The following MPDZ variants were observed in gnomAD, a reference collection of about 807,000 sequenced individuals.
MPDZ encodes the protein multiple PDZ domain crumbs cell polarity complex component.
MPDZ carries 234 observed loss-of-function variants against 239.1 expected under a neutral mutation model. The ratio of observed to expected loss-of-function variants is 0.98; its 90% CI spans 0.88 to 1.09. MPDZ has a LOEUF of 1.09. MPDZ is among the 50% of genes least tolerant of loss of function. The probability of loss-of-function intolerance (pLI) is 0.00; values close to 1 mark genes in which losing one functional copy is unlikely to be tolerated. For missense variants in MPDZ, 3,175 were observed against 2,510.0 expected, an observed-to-expected ratio of 1.26 and a Z score of -5.66; for synonymous variants, 1,048 against 881.3, an observed-to-expected ratio of 1.19 and a Z score of -3.35.
chr9:13,166,286 G>C (rs1174587026), intron 22 of MPDZ, among the ~76,000 whole-genome samples: 2 of 152,118 alleles, frequency 1.3e-5, no homozygotes, highest in Non-Finnish European at 2.9e-5. Flanking sequence ...TAAACCTTTT[G>C]CTTCACGAAA....
chr9:13,265,517 C>T (rs936618131), intron 1 of MPDZ, among the ~76,000 whole-genome samples: 3 of 152,082 alleles, frequency 2.0e-5, no homozygotes, highest in South Asian at 2.1e-4. Flanking sequence ...TGCGGTAAGC[C>T]GAGATTGCAC....
At chr9:13,122,264 A>C in intron 36 of MPDZ, 94 bp from the exon 37 acceptor site, 1 of 1,093,356 alleles carries the variant, frequency 9.1e-7, no homozygotes, top group Non-Finnish European at 1.4e-6. Flanking sequence ...TTTGATAGAC[A>C]GCAATAAGGG....
In MPDZ at chr9:13,123,277, G is replaced by A. The variant is rs1329695195; in HGVS notation, c.4829C>T (p.Pro1610Leu). ...TGCAGGATCAGAAGCAAAAATTGCT[G>A]GTGTTGATGATCTGCTTGTATCTAA... ...SIRNTSRSST[P>L]AIFASDPATC... is the part of the protein sequence containing the mutation. The change falls in exon 36 of 47, where the codon CCA (proline) becomes CTA (leucine). Residue 1610 changes from proline to leucine, a missense_variant. Transcript: ENST00000319217. 4.3e-6 allele frequency: 7 copies of A among 1,611,454 alleles called. No individual in the cohort carries two copies. The highest frequency in any genetic ancestry group is 2.7e-5 in the African/African-American group (2 of 74,822).
At chr9:13,207,739 T>C (rs545700864) in intron 10 of MPDZ, among the ~76,000 whole-genome samples, 1 of 152,318 alleles carries the variant, frequency 6.6e-6, no homozygotes, top group South Asian at 2.1e-4. Flanking sequence ...AAGGACAGGC[T>C]CTGTATCATT....
chr9:13,112,848 G>A (rs1220492895), intron 42 of MPDZ, among the ~76,000 whole-genome samples, 163 bp downstream of exon 42: 1 of 152,186 alleles, frequency 6.6e-6, no homozygotes, highest in Non-Finnish European at 1.5e-5. Flanking sequence ...CTGTGATCAG[G>A]AAATTCATTA....
rs755462111 is a variant in MPDZ at position 13,121,842 on chromosome 9, T to G, written c.5128A>C (p.Arg1710=). 1 of 1,613,926 alleles carries G rather than the reference T, an allele frequency of 6.2e-7. No homozygotes were observed. Among genetic ancestry groups the G allele is most frequent in the Non-Finnish European group, 8.5e-7 (1 of 1,179,840 alleles). Residue 1710 remains arginine (R), a synonymous_variant, in exon 38 of 47, where the codon AGA becomes CGA. Coordinates refer to ENST00000319217, the MANE Select transcript of MPDZ (RefSeq NM_001378778.1). ...TCCTCTTTGTATGGGGCCTCATCTC[T>G]GTAGAGTGTCAGGCGCACTCTCTGT... ...TPQRVRLTLY[R]DEAPYKEEEV...
In MPDZ at chr9:13,165,964, C is replaced by A. The variant is rs557502412; in HGVS notation, c.3254+2402G>T. Among the ~76,000 whole-genome samples the A allele has an allele frequency of 2.6e-5, 4 of 152,230 alleles. No individual in the cohort carries two copies. In the South Asian group the frequency reaches 6.2e-4, roughly 24 times the overall value. ...CACACACACAAAAGTTCCTAGCTAT[C>A]TATCGTAAATGGCAAAAAAGAAATC... On this transcript the variant is annotated intron_variant, in intron 22 of 46. Transcript: ENST00000319217.
At chr9:13,107,308 T>C (rs1485271534) in intron 46 of MPDZ, among the ~76,000 whole-genome samples, 197 bp from the exon 47 acceptor site, 1 of 152,154 alleles carries the variant, frequency 6.6e-6, no homozygotes, top group South Asian at 2.1e-4. Context: ...GGTTTTAGCA[T>C]TGAGATACCA....
chr9:13,221,659 C>A (rs368839588), intron 6 of MPDZ, among the ~76,000 whole-genome samples, 159 bp from the exon 7 acceptor site: 1 of 151,102 alleles, frequency 6.6e-6, no homozygotes, highest in Non-Finnish European at 1.5e-5. Flanking sequence ...GTATACTTCC[C>A]TTTCAACAGA....
intron 27 of MPDZ, chr9:13,140,702 A>C (rs1947537622): frequency 6.6e-6 from 1 of 152,102 alleles, no homozygotes; most frequent in Admixed American, 6.6e-5. Flanking sequence ...ATGTCATTCA[A>C]AAGTTATAAC....
chr9:13,185,769 C>A (rs2134649838), intron 18 of MPDZ, among the ~76,000 whole-genome samples: 1 of 152,146 alleles, frequency 6.6e-6, no homozygotes, highest in East Asian at 1.9e-4. Context: ...TCTGGTAAAT[C>A]AGTATACTTA....
intron 1 of MPDZ, among the ~76,000 whole-genome samples, chr9:13,271,645 A>G (rs986774931): frequency 6.6e-6 from 1 of 152,222 alleles, no homozygotes; most frequent in Non-Finnish European, 1.5e-5. Flanking sequence ...GTGTTCTGTT[A>G]GTTTTAATTC....
intron 46 of MPDZ, 54 bp downstream of exon 46, chr9:13,108,882 C>G: frequency 1.3e-6 from 2 of 1,565,798 alleles, no homozygotes; most frequent in East Asian, 4.7e-5. Context: ...AGCTGCTGAC[C>G]ACTATTAATG....
intron 40 of MPDZ, among the ~76,000 whole-genome samples, chr9:13,114,577 G>A (rs964063571): frequency 3.3e-5 from 5 of 152,120 alleles, no homozygotes; most frequent in South Asian, 2.1e-4. Context: ...GTTGAATATT[G>A]ATTGATGTTG....
chr9:13,165,106 A>G (rs1213075846), intron 22 of MPDZ, among the ~76,000 whole-genome samples: 1 of 152,174 alleles, frequency 6.6e-6, no homozygotes. Context: ...TTCCCTTACA[A>G]AGGAGCTTGA....
chr9:13,276,155 A>G (rs1463301644), intron 1 of MPDZ, among the ~76,000 whole-genome samples: 1 of 152,180 alleles, frequency 6.6e-6, no homozygotes, highest in Non-Finnish European at 1.5e-5. Context: ...TACTCTCCCC[A>G]ATGCCTAACC....
chr9:13,178,799 T>C (rs1952866239), intron 19 of MPDZ, among the ~76,000 whole-genome samples: 1 of 152,192 alleles, frequency 6.6e-6, no homozygotes, highest in South Asian at 2.1e-4. Flanking sequence ...TTTGTACAGG[T>C]AATATTTTGT....
At chr9:13,158,727 C>T (rs780968273) in intron 23 of MPDZ, among the ~76,000 whole-genome samples, 14 of 152,128 alleles carry the variant, frequency 9.2e-5, no homozygotes, top group Non-Finnish European at 1.5e-4. Flanking sequence ...GGTCACCTTC[C>T]GTTTATGTAG....
intron 41 of MPDZ, 64 bp downstream of exon 41, chr9:13,113,867 A>G: frequency 7.8e-7 from 1 of 1,276,152 alleles, no homozygotes; most frequent in South Asian, 1.3e-5. Flanking sequence ...GAGGTAAACA[A>G]GACAAAAAAA....
Sources: gnomAD v4.1 joint callset for allele counts (sites outside exome capture counted in the v4.1 genomes callset) on GRCh38, gnomAD v4.1.1 for gene constraint, MANE v1.5 for transcripts, NCBI Gene and HGNC (gene_info 2026-07-23, HGNC 2026-07-21) for gene names.